Variants in SRBD1 observed in about 807,000 individuals in gnomAD.
The protein encoded by SRBD1 is S1 RNA binding domain 1.
Under a neutral mutation model 115.3 loss-of-function variants are expected in SRBD1, and 88 were observed. The observed-to-expected ratio is 0.76, with a 90% CI of 0.64 to 0.91. The LOEUF (loss-of-function observed/expected upper bound fraction) is 0.91, where lower values mean the gene tolerates loss of function less well. Ranked by LOEUF, SRBD1 falls within the 40% of genes least tolerant of loss-of-function variation. The probability of loss-of-function intolerance (pLI) is 0.00; values close to 1 mark genes in which losing one functional copy is unlikely to be tolerated. For missense variants in SRBD1, 1,385 were observed against 1,177.4 expected (o/e 1.18, Z -2.58); for synonymous variants, 509 against 407.7 (o/e 1.25, Z -2.99).
In SRBD1 at chr2:45,571,517, C is replaced by CAAAAAAAAAAAAAA. The variant is rs58100763; in HGVS notation, c.1305+1676_1305+1689dup. 1.1e-3 allele frequency among the ~76,000 whole-genome samples: 43 copies of CAAAAAAAAAAAAAA among 39,406 alleles called. 3 individuals carry two copies. Among genetic ancestry groups the CAAAAAAAAAAAAAA allele is most frequent in the African/African-American group, 2.1e-3 (24 of 11,164 alleles). The allele number at this position is 39,406 out of a possible 152,430, so 25.9% of individuals were successfully genotyped here. On this transcript the variant is annotated intron_variant, in intron 9 of 20. Transcript: ENST00000263736. ...AAAATACAACATATCCAGACTTTACCAAAAAAAAAAAAAAAAAAAAAAAAA... is the reference window on the plus strand; with the variant it reads ...AAAATACAACATATCCAGACTTTACCAAAAAAAAAAAAAAAAAAAAAAAAAAAAAAAAAAAAAAA...
intron 14 of SRBD1, among the ~76,000 whole-genome samples, chr2:45,533,520 G>C (rs1671675773): frequency 6.6e-6 from 1 of 151,968 alleles, no homozygotes; most frequent in East Asian, 1.9e-4. Flanking sequence ...CTCTCTAACA[G>C]AAAATACTGT....
chr2:45,534,879 G>C (rs995217732), intron 14 of SRBD1, among the ~76,000 whole-genome samples: 5 of 151,844 alleles, frequency 3.3e-5, no homozygotes, highest in Admixed American at 6.6e-5. Flanking sequence ...AGGTGGTTCA[G>C]GACAGGGGAG....
intron 2 of SRBD1, among the ~76,000 whole-genome samples, chr2:45,604,394 A>AAGGGGGGGGGG (rs1674198722): frequency 7.1e-6 from 1 of 141,074 alleles, no homozygotes; most frequent in African/African-American, 2.8e-5. Flanking sequence ...AGGGGGGTGG[A>AAGGGGGGGGGG]GGAAGGGGAG....
At chr2:45,441,471 C>A (rs1006760860) in intron 16 of SRBD1, among the ~76,000 whole-genome samples, 3 of 152,208 alleles carry the variant, frequency 2.0e-5, no homozygotes, top group Admixed American at 6.5e-5. Flanking sequence ...TACGTACTCA[C>A]TCTAACTGCT....
intron 20 of SRBD1, among the ~76,000 whole-genome samples, chr2:45,391,030 G>A (rs930264479): frequency 2.0e-5 from 3 of 152,158 alleles, no homozygotes; most frequent in Non-Finnish European, 1.5e-5. Flanking sequence ...ACGGGTCTCC[G>A]AGACCCCATA....
chr2:45,434,904 A>T (rs1349817378), intron 16 of SRBD1, among the ~76,000 whole-genome samples: 1 of 151,890 alleles, frequency 6.6e-6, no homozygotes, highest in Non-Finnish European at 1.5e-5. Context: ...ATTTCTCCTA[A>T]TGCTATCCCT....
At chr2:45,531,521 T>A (rs1671611082) in intron 14 of SRBD1, among the ~76,000 whole-genome samples, 1 of 150,762 alleles carries the variant, frequency 6.6e-6, no homozygotes, top group Admixed American at 6.6e-5. Flanking sequence ...TTTTCCACTA[T>A]TCAGATTAAG....
intron 15 of SRBD1, among the ~76,000 whole-genome samples, chr2:45,484,638 G>A (rs1670061153): frequency 6.6e-6 from 1 of 152,174 alleles, no homozygotes; most frequent in Non-Finnish European, 1.5e-5. Context: ...AGAAGTCAGT[G>A]CTACTTAGCA....
chr2:45,462,061 AG>A (rs1441215132), intron 16 of SRBD1, among the ~76,000 whole-genome samples: 2 of 152,238 alleles, frequency 1.3e-5, no homozygotes, highest in African/African-American at 4.8e-5. Flanking sequence ...GGAAAAAAAA[AG>A]GAATCATTTT....
chr2:45,525,237 G>T (rs1234318688), intron 14 of SRBD1, among the ~76,000 whole-genome samples: 5 of 152,000 alleles, frequency 3.3e-5, no homozygotes, highest in African/African-American at 1.2e-4. Flanking sequence ...ATTTGGCAAA[G>T]TGTTCTTACA....
chr2:45,461,556 T>A (rs565845710), intron 16 of SRBD1, among the ~76,000 whole-genome samples: 1 of 152,188 alleles, frequency 6.6e-6, no homozygotes, highest in African/African-American at 2.4e-5. Flanking sequence ...CAAGTCCCTC[T>A]GTCAATCCCA....
intron 14 of SRBD1, among the ~76,000 whole-genome samples, chr2:45,540,752 T>C (rs1671908118): frequency 6.6e-6 from 1 of 152,124 alleles, no homozygotes; most frequent in South Asian, 2.1e-4. Context: ...GGATGGCAAA[T>C]AAGCAAATGA....
chr2:45,496,500 AAGAT>A (rs1015909504), intron 14 of SRBD1, among the ~76,000 whole-genome samples: 4 of 152,184 alleles, frequency 2.6e-5, no homozygotes, highest in South Asian at 4.1e-4. Context: ...TAAAAAGAGA[AAGAT>A]AGAAGCAGCG....
intron 16 of SRBD1, among the ~76,000 whole-genome samples, chr2:45,449,851 C>A (rs1668939661): frequency 1.3e-5 from 2 of 152,150 alleles, no homozygotes; most frequent in South Asian, 4.1e-4. Context: ...TTCAATTCAA[C>A]TTCAGGTGTA....
intron 10 of SRBD1, among the ~76,000 whole-genome samples, chr2:45,555,899 T>C (rs1572771454): frequency 6.6e-6 from 1 of 152,208 alleles, no homozygotes; most frequent in African/African-American, 2.4e-5. Context: ...CCATTCTGTG[T>C]TTTCATCCAT....
chr2:45,511,443 C>T (rs929549372), intron 14 of SRBD1, among the ~76,000 whole-genome samples: 3 of 152,176 alleles, frequency 2.0e-5, no homozygotes. Flanking sequence ...CCAGAAAGAG[C>T]TATGAGTGTT....
At chr2:45,428,244 A>G (rs536802944) in intron 16 of SRBD1, among the ~76,000 whole-genome samples, 2 of 152,332 alleles carry the variant, frequency 1.3e-5, no homozygotes, top group South Asian at 4.1e-4. Flanking sequence ...CCGCTCCTGA[A>G]TGACTACTGG....
At chr2:45,488,509 T>C (rs3755080) in intron 14 of SRBD1, among the ~76,000 whole-genome samples, 178 bp from the exon 15 acceptor site, 76,087 of 152,000 alleles carry the variant, frequency 0.5, 20,426 homozygotes, top group Non-Finnish European at 0.62. Flanking sequence ...GATTATGCAG[T>C]GTTTGTTTTT....
rs765962518 is a variant in SRBD1, at chr2:45,573,238, G to A, written c.1274C>T (p.Ser425Phe). ...ATGGTGAATGTTTCTTATGTTGCAG[G>A]AAAAATGCTGGTAGAGCAGAAACTT... Reference protein sequence around the residue: ...VDKFLLYQHFSCNIRNIHHHQ... With the variant: ...VDKFLLYQHFFCNIRNIHHHQ... The change falls in exon 9 of 21, where the codon TCC becomes TTC. Residue 425 changes from serine (S) to phenylalanine (F), a missense_variant. By Grantham distance (155) the Ser-to-Phe change is radical (BLOSUM62 -2). Transcript: ENST00000263736. The A allele has an allele frequency of 4.3e-6, 7 of 1,609,916 alleles. No individual in the cohort carries two copies. The South Asian group carries it at 6.7e-5, about 15-fold the overall frequency.
Sources: gnomAD v4.1 joint callset for allele counts (sites outside exome capture counted in the v4.1 genomes callset) on GRCh38, gnomAD v4.1.1 for gene constraint, MANE v1.5 for transcripts, NCBI Gene and HGNC (gene_info 2026-07-23, HGNC 2026-07-21) for gene names.